Variants in HBP1 observed in about 807,000 individuals in gnomAD.
HBP1 encodes HMG box-containing protein 1.
In HBP1, 20 loss-of-function variants were observed where a neutral mutation model predicts 62.6. That is an observed-to-expected ratio of 0.32 (90% CI 0.22 to 0.46). The LOEUF (loss-of-function observed/expected upper bound fraction) is 0.46, where lower values mean the gene tolerates loss of function less well. Among genes scored for constraint, HBP1 ranks in the 20% least tolerant of loss-of-function variants. The pLI is 1.00. For missense variants in HBP1, 480 were observed against 611.8 expected (o/e 0.78, Z 2.27); for synonymous variants, 232 against 206.2 (o/e 1.12, Z -1.07).
chr7:107,192,986 A>G (rs1365952901), intron 8 of HBP1: 4 of 152,294 alleles, frequency 2.6e-5, no homozygotes, highest in African/African-American at 9.7e-5. Context: ...GACTGCTCCA[A>G]GCAAATTCTC....
chr7:107,169,656 AG>A, intron 1 of HBP1: 4 of 760,338 alleles, frequency 5.3e-6, no homozygotes, highest in Non-Finnish European at 6.4e-6. Flanking sequence ...TTCTGGACTG[AG>A]GGGGATTCTG....
At chr7:107,182,226 A>G in intron 2 of HBP1, 147 bp from the exon 3 acceptor site, 1 of 601,592 alleles carries the variant, frequency 1.7e-6, no homozygotes, top group Non-Finnish European at 3.0e-6. Flanking sequence ...ATGTTTTTCC[A>G]GTCTGTGAAC....
intron 9 of HBP1, among the ~76,000 whole-genome samples, chr7:107,199,220 T>G (rs1425132651): frequency 6.6e-6 from 1 of 152,094 alleles, no homozygotes; most frequent in Non-Finnish European, 1.5e-5. Context: ...CCAGTAGCTG[T>G]GATTACAGGC....
At chr7:107,169,557 C>T (rs546038513) in intron 1 of HBP1, among the ~76,000 whole-genome samples, 53 of 149,690 alleles carry the variant, frequency 3.5e-4, no homozygotes, top group Non-Finnish European at 6.5e-4. Flanking sequence ...AGTTTGACTT[C>T]AACTCCCCGT....
At chr7:107,170,116 A>C in intron 1 of HBP1, 1 of 984,132 alleles carries the variant, frequency 1.0e-6, no homozygotes, top group Non-Finnish European at 1.2e-6. Context: ...TTTTAGAAGG[A>C]GCACTGACAG....
intron 9 of HBP1, chr7:107,196,450 A>G (rs1193663449): frequency 1.4e-5 from 5 of 364,530 alleles, no homozygotes; most frequent in African/African-American, 8.5e-5. Flanking sequence ...TTGTATTTTT[A>G]GTAGAGACAG....
intron 1 of HBP1, among the ~76,000 whole-genome samples, chr7:107,171,881 G>T (rs1427355426): frequency 1.6e-5 from 2 of 124,110 alleles, no homozygotes; most frequent in South Asian, 2.5e-4. Flanking sequence ...AAAAAAAAGA[G>T]TCAATGCCAG....
intron 1 of HBP1, chr7:107,169,964 T>TGAAAC: frequency 5.1e-6 from 5 of 985,576 alleles, no homozygotes; most frequent in Non-Finnish European, 6.0e-6. Context: ...GCAGGCCGAT[T>TGAAAC]GAAACAAAAC....
At chr7:107,197,394 G>T (rs965533064) in intron 9 of HBP1, among the ~76,000 whole-genome samples, 23 of 152,084 alleles carry the variant, frequency 1.5e-4, no homozygotes, top group African/African-American at 5.6e-4. Context: ...TGTTTGAGGC[G>T]GAGTCTCACT....
intron 1 of HBP1, among the ~76,000 whole-genome samples, chr7:107,178,090 C>T (rs746724756): frequency 3.9e-5 from 6 of 152,128 alleles, no homozygotes; most frequent in Admixed American, 1.3e-4. Context: ...TGACTTTTAA[C>T]AGCAATATAT....
intron 3 of HBP1, among the ~76,000 whole-genome samples, chr7:107,185,253 C>G (rs939747174): frequency 3.3e-5 from 5 of 151,968 alleles, no homozygotes; most frequent in African/African-American, 9.7e-5. Context: ...TATTAGAAAA[C>G]AAGAAATAGT....
chr7:107,169,930 C>G, intron 1 of HBP1: 1 of 985,488 alleles, frequency 1.0e-6, no homozygotes. Context: ...TTCCAGTCTC[C>G]GCCTTTCAAC....
At chr7:107,176,551 C>T (rs1260705011) in intron 1 of HBP1, among the ~76,000 whole-genome samples, 2 of 151,948 alleles carry the variant, frequency 1.3e-5, no homozygotes, top group Non-Finnish European at 2.9e-5. Context: ...TATTCTGCAC[C>T]TGGAAACAAA....
intron 1 of HBP1, among the ~76,000 whole-genome samples, chr7:107,171,087 T>TTTTTTTTTTTTTTTTTTTTGGTG: frequency 7.5e-6 from 1 of 133,794 alleles, no homozygotes; most frequent in African/African-American, 3.0e-5. Flanking sequence ...TTTTTTTTTT[T>TTTTTTTTTTTTTTTTTTTTGGTG]TGAGAGGGAG....
chr7:107,199,361 C>G (rs1204616251), intron 9 of HBP1, among the ~76,000 whole-genome samples: 1 of 152,172 alleles, frequency 6.6e-6, no homozygotes, highest in East Asian at 1.9e-4. Flanking sequence ...GGATTACAGG[C>G]ATGAGTCACA....
At chr7:107,182,320 G>T (rs1797146563) in intron 2 of HBP1, 53 bp from the exon 3 acceptor site, 8 of 958,160 alleles carry the variant, frequency 8.3e-6, no homozygotes, top group African/African-American at 1.6e-5. Flanking sequence ...TTATAATATT[G>T]TTCCTTGTAT....
intron 1 of HBP1, among the ~76,000 whole-genome samples, chr7:107,172,209 C>T (rs1796633866): frequency 6.6e-6 from 1 of 151,724 alleles, no homozygotes; most frequent in Non-Finnish European, 1.5e-5. Flanking sequence ...AAGCTTTTCC[C>T]ACAAGTTTTT....
At chr7:107,196,487 C>T (rs1391950528) in intron 9 of HBP1, 1 of 335,830 alleles carries the variant, frequency 3.0e-6, no homozygotes, top group East Asian at 8.5e-5. Flanking sequence ...CCAGGCTGAT[C>T]TCGAACTCCT....
intron 9 of HBP1, among the ~76,000 whole-genome samples, chr7:107,199,091 A>ATTAT (rs1798071034): frequency 6.6e-6 from 1 of 151,708 alleles, no homozygotes; most frequent in South Asian, 2.1e-4. Context: ...TTATCATTTT[A>ATTAT]TTATTTATTT....
Sources: gnomAD v4.1 joint callset for allele counts (sites outside exome capture counted in the v4.1 genomes callset) on GRCh38, gnomAD v4.1.1 for gene constraint, MANE v1.5 for transcripts, NCBI Gene and HGNC (gene_info 2026-07-23, HGNC 2026-07-21) for gene names.